SLC36A3: variants seen among roughly 807,000 people sequenced by gnomAD.
The protein encoded by SLC36A3 is proton-coupled amino acid transporter 3.
A neutral mutation model predicts 44.3 loss-of-function variants in SLC36A3; 35 were observed. That is an observed-to-expected ratio of 0.79 (90% CI 0.60 to 1.05). The LOEUF (loss-of-function observed/expected upper bound fraction) is 1.05, where lower values mean the gene tolerates loss of function less well. SLC36A3 is among the 50% of genes least tolerant of loss of function. The pLI is 0.00. For synonymous variants in SLC36A3, 211 were observed against 227.6 expected (o/e 0.93, Z 0.66); for missense variants, 540 against 578.7 (o/e 0.93, Z 0.69).
intron 4 of SLC36A3, among the ~76,000 whole-genome samples, chr5:151,290,908 A>G (rs1217387681): frequency 6.6e-6 from 1 of 151,988 alleles, no homozygotes; most frequent in Non-Finnish European, 1.5e-5. Context: ...ATAATTCAGT[A>G]TGTAGCTGTA....
intron 1 of SLC36A3, among the ~76,000 whole-genome samples, chr5:151,302,291 T>A (rs1755187065): frequency 1.3e-5 from 2 of 152,228 alleles, no homozygotes; most frequent in African/African-American, 4.8e-5. Flanking sequence ...GATATCCTTA[T>A]CAACACTGGG....
chr5:151,286,202 A>G (rs563987043), intron 6 of SLC36A3, among the ~76,000 whole-genome samples: 1 of 152,336 alleles, frequency 6.6e-6, no homozygotes, highest in East Asian at 1.9e-4. Context: ...CTTGGTCTCC[A>G]TGGGAGAACT....
rs1379308851 is a variant in SLC36A3 at position 151,281,203 on chromosome 5, A to T, written c.975-20T>A. The T allele has an allele frequency of 1.3e-6, 2 of 1,590,532 alleles. No homozygotes were observed. Among genetic ancestry groups the T allele is most frequent in the Non-Finnish European group, 1.7e-6 (2 of 1,166,656 alleles). ...TACAACCTGCAGACACATGAATTGG[A>T]TGTGAAAGGTGATGTGGCTCCCCGG... is the stretch of plus-strand genomic sequence containing the variant. On this transcript the variant is annotated intron_variant, in intron 8 of 9. Coordinates refer to ENST00000335230, the MANE Select transcript of SLC36A3 (RefSeq NM_181774.4).
chr5:151,278,012 G>T (rs1320289888), intron 9 of SLC36A3, among the ~76,000 whole-genome samples: 2 of 152,118 alleles, frequency 1.3e-5, no homozygotes, highest in Non-Finnish European at 1.5e-5. Context: ...AGAATTCACT[G>T]GGATGCCCCA....
At chr5:151,296,525 A>G (rs1754965603) in intron 2 of SLC36A3, 2 of 515,420 alleles carry the variant, frequency 3.9e-6, no homozygotes, top group Non-Finnish European at 3.5e-6. Context: ...TAGCCCATGC[A>G]TTTTCTCATT....
chr5:151,302,308 C>A (rs1755187651), intron 1 of SLC36A3, among the ~76,000 whole-genome samples: 1 of 152,172 alleles, frequency 6.6e-6, no homozygotes, highest in Non-Finnish European at 1.5e-5. Context: ...TGGGGATTGT[C>A]ATCGATAATC....
At chr5:151,299,374 T>G (rs1461500540) in intron 1 of SLC36A3, among the ~76,000 whole-genome samples, 50 of 45,516 alleles carry the variant, frequency 1.1e-3, no homozygotes, top group Admixed American at 3.1e-3. Flanking sequence ...AGCATGGTGA[T>G]ATATATATAT....
In SLC36A3 at chr5:151,284,684, AG is replaced by A; in HGVS notation, c.735del (p.Leu246Ter). On this transcript the variant is annotated frameshift_variant, in exon 7 of 10. Coordinates refer to ENST00000335230, the MANE Select transcript of SLC36A3 (RefSeq NM_181774.4). LOFTEE classifies it high-confidence loss of function. The stretch of plus-strand genomic sequence containing the variant: ...AAGAAGGTCTTCCAGTTTGCCATCA[AG>A]GGTAGGTTGCTGGGATATGGAATCC... ...MEGIPYPSNL[P>X]LMANWKTFLL... 6.2e-7 allele frequency: 1 copy of A among 1,613,528 alleles called. No homozygotes were observed. Among genetic ancestry groups the A allele is most frequent in the Non-Finnish European group, 8.5e-7 (1 of 1,179,606 alleles).
At chr5:151,287,676 C>G (rs756265307) in intron 5 of SLC36A3, among the ~76,000 whole-genome samples, 2 of 152,110 alleles carry the variant, frequency 1.3e-5, no homozygotes, top group Non-Finnish European at 2.9e-5. Context: ...ATTGGGCAAC[C>G]CTGTCGGGCC....
chr5:151,289,521 T>C (rs1002499806), intron 4 of SLC36A3, among the ~76,000 whole-genome samples: 1 of 152,002 alleles, frequency 6.6e-6, no homozygotes, highest in African/African-American at 2.4e-5. Context: ...TTATTATTAA[T>C]TTTGTAAGAG....
chr5:151,294,925 G>A (rs1045753500), intron 3 of SLC36A3, among the ~76,000 whole-genome samples: 3 of 152,070 alleles, frequency 2.0e-5, no homozygotes, highest in African/African-American at 4.8e-5. Context: ...CACTGCACCC[G>A]GCCGAAATCT....
At chr5:151,301,873 A>G (rs890379342) in intron 1 of SLC36A3, among the ~76,000 whole-genome samples, 4 of 152,340 alleles carry the variant, frequency 2.6e-5, no homozygotes, top group African/African-American at 9.6e-5. Context: ...TTACATTATA[A>G]CAAGTGCTTT....
rs768236802 is a variant in SLC36A3, at chr5:151,277,592, G to T, written c.1214C>A (p.Ala405Asp). The change falls in exon 10 of 10, where the codon GCC (alanine) becomes GAC (aspartate). Residue 405 changes from alanine (A) to aspartate (D), a missense_variant. Ala to Asp is a moderately radical substitution (Grantham distance 126, BLOSUM62 -2). Coordinates refer to ENST00000335230, the MANE Select transcript of SLC36A3 (RefSeq NM_181774.4). ...ISLVGSVSSS[A>D]LALIIPALLE... is the part of the protein sequence containing the mutation. ...GAGGGCTGGGATGATGAGAGCCAGGGCGCTGCTGCTCACGGAGCCTACCAG... is the reference window on the plus strand; with the variant it reads ...GAGGGCTGGGATGATGAGAGCCAGGTCGCTGCTGCTCACGGAGCCTACCAG... The T allele has an allele frequency of 5.6e-6, 9 of 1,614,192 alleles. No homozygotes were observed. Among genetic ancestry groups the T allele is most frequent in the East Asian group, 2.2e-5 (1 of 44,876 alleles).
chr5:151,303,326 C>T lies in SLC36A3; in HGVS notation c.29G>A (p.Ser10Asn). Residue 10 changes from serine to asparagine, a missense_variant, in exon 1 of 10, where the codon AGT (serine) becomes AAT (asparagine). By Grantham distance (46) the Ser-to-Asn change is conservative (BLOSUM62 1). Transcript: ENST00000335230. MSLLGRDYNSELNSLDNGPQ... is the reference protein window; with the variant it reads MSLLGRDYNNELNSLDNGPQ... ...TCCGTTGTCCAAGGAGTTCAGCTCA[C>T]TGTTGTAGTCCCTTCCAAGCAATGA... 1 of 1,614,018 alleles carries T rather than the reference C, an allele frequency of 6.2e-7. No homozygotes were observed. Among genetic ancestry groups the T allele is most frequent in the Non-Finnish European group, 8.5e-7 (1 of 1,179,944 alleles).
chr5:151,280,283 G>A (rs558969905), intron 9 of SLC36A3, among the ~76,000 whole-genome samples: 65 of 152,130 alleles, frequency 4.3e-4, no homozygotes, highest in Non-Finnish European at 7.6e-4. Flanking sequence ...ATGAAACCCC[G>A]TCTCTACTAA....
In SLC36A3 at chr5:151,287,477, A is replaced by C. The variant is rs1193796729; in HGVS notation, c.490-13T>G. On this transcript the variant is annotated splice_polypyrimidine_tract_variant and intron_variant, in intron 5 of 9. Coordinates refer to ENST00000335230, the MANE Select transcript of SLC36A3 (RefSeq NM_181774.4). ...CTTTTTCCACCATCTGACATAAAGC[A>C]CAATGACAGGCAGTGTGGTTGCTAC... 6.2e-7 allele frequency: 1 copy of C among 1,612,056 alleles called. No homozygotes were observed. Among genetic ancestry groups the C allele is most frequent in the African/African-American group, 1.3e-5 (1 of 74,892 alleles).
chr5:151,284,558 G>A (rs533664708), intron 7 of SLC36A3, 55 bp downstream of exon 7: 1 of 1,320,872 alleles, frequency 7.6e-7, no homozygotes, highest in Admixed American at 2.1e-5. Flanking sequence ...TGCAACTACA[G>A]TTGGCCACTG....
At chr5:151,294,631 ATT>A (rs971274733) in intron 3 of SLC36A3, among the ~76,000 whole-genome samples, 2 of 145,954 alleles carry the variant, frequency 1.4e-5, no homozygotes, top group African/African-American at 2.5e-5. Context: ...GTGAATGTGA[ATT>A]TTTTTTTTTT....
intron 8 of SLC36A3, among the ~76,000 whole-genome samples, chr5:151,282,111 G>GTTTTT (rs70976011): frequency 8.9e-5 from 5 of 56,102 alleles, no homozygotes; most frequent in East Asian, 7.6e-4. Context: ...CTTTTTCTTT[G>GTTTTT]TTTTTTTTTT....
Sources: allele counts gnomAD v4.1 joint callset (sites outside exome capture counted in the v4.1 genomes callset), GRCh38; gene constraint gnomAD v4.1.1; transcripts MANE v1.5; gene names NCBI Gene and HGNC (gene_info 2026-07-23, HGNC 2026-07-21).